Variants in SYTL4 observed in about 807,000 individuals in gnomAD.
SYTL4 encodes synaptotagmin-like protein 4.
A neutral mutation model predicts 52.7 loss-of-function variants in SYTL4; 16 were observed. The observed-to-expected ratio is 0.30, with a 90% CI of 0.21 to 0.46. The LOEUF (loss-of-function observed/expected upper bound fraction) is 0.46, where lower values mean the gene tolerates loss of function less well. Among genes scored for constraint, SYTL4 ranks in the 20% least tolerant of loss-of-function variants. SYTL4 has a pLI of 1.00. For synonymous variants in SYTL4, 160 were observed against 186.6 expected (o/e 0.86, Z 1.16); for missense variants, 423 against 519.9 (o/e 0.81, Z 1.81).
chrX:100,703,372 A>T lies in SYTL4; in HGVS notation c.-163-187T>A, dbSNP rs778495698. On this transcript the variant is annotated intron_variant, in intron 3 of 19. Transcript: ENST00000372989. The stretch of plus-strand genomic sequence containing the variant: ...CAAAGCAAGATCCTGTCTGGAAAAA[A>T]TTTTTTTTAATTTTAAAATTTACTG... 4.5e-4 allele frequency among the ~76,000 whole-genome samples: 50 copies of T among 111,408 alleles called. 1 individual carries two copies. Among genetic ancestry groups the T allele is most frequent in the Non-Finnish European group, 8.1e-4 (43 of 53,035 alleles).
At chrX:100,705,205 C>G (rs1173307034) in intron 2 of SYTL4, among the ~76,000 whole-genome samples, 1 of 112,044 alleles carries the variant, frequency 8.9e-6, no homozygotes, top group Admixed American at 9.5e-5. Flanking sequence ...CCAACAGTAT[C>G]TTTTATTGAG....
intron 2 of SYTL4, among the ~76,000 whole-genome samples, chrX:100,716,004 C>T (rs2084198692): frequency 9.6e-6 from 1 of 103,809 alleles, no homozygotes; most frequent in Admixed American, 1.1e-4. Flanking sequence ...AAGGCAATGA[C>T]AGCATCTAAA....
Position 100,690,123 on chromosome X carries a change from C to G in SYTL4, c.760G>C (p.Gly254Arg). Residue 254 changes from glycine (G) to arginine (R), a missense_variant, in exon 11 of 20, where the codon GGT (glycine) becomes CGT (arginine). Gly to Arg is a moderately radical substitution (Grantham distance 125). Transcript: ENST00000372989. ...GTGTTCTTCTTAAATATCATCTCAC[C>G]CTCATCCACAAATACCACATTTTGA... is the stretch of plus-strand genomic sequence containing the variant. ...GGQNVVFVDE[G>R]EMIFKKNTRK... The G allele has an allele frequency of 8.3e-7, 1 of 1,210,935 alleles. No homozygotes were observed. The highest frequency in any genetic ancestry group is 1.1e-6 in the Non-Finnish European group (1 of 895,051).
chrX:100,701,354 C>G, intron 6 of SYTL4, 25 bp from the exon 7 acceptor site: 1 of 1,180,958 alleles, frequency 8.5e-7, no homozygotes, highest in Non-Finnish European at 1.2e-6. Context: ...AAGAAAATGA[C>G]AGATGGATAA....
At chrX:100,709,147 T>C (rs1235672878) in intron 2 of SYTL4, among the ~76,000 whole-genome samples, 1 of 111,200 alleles carries the variant, frequency 9.0e-6, no homozygotes, top group East Asian at 2.8e-4. Flanking sequence ...GTAATAGAGC[T>C]GAGAGAAAAA....
At chrX:100,729,196 A>T (rs967142105) in intron 2 of SYTL4, among the ~76,000 whole-genome samples, 3 of 111,390 alleles carry the variant, frequency 2.7e-5, no homozygotes, top group African/African-American at 9.8e-5. Context: ...GCTTAGTTTC[A>T]GGTCCAGGAG....
chrX:100,699,809 T>A (rs749721761), intron 8 of SYTL4, among the ~76,000 whole-genome samples: 7 of 109,925 alleles, frequency 6.4e-5, no homozygotes, highest in African/African-American at 2.3e-4. Context: ...TTACTCTTAA[T>A]AACCAAAAAG....
Position 100,681,313 on chromosome X carries a change from C to G in SYTL4, c.1472G>C (p.Gly491Ala), listed in dbSNP as rs562068812. Residue 491 changes from glycine to alanine, a missense_variant, in exon 17 of 20, where the codon GGC becomes GCC. Physicochemically the swap from Gly to Ala is moderately conservative, Grantham distance 60. Coordinates refer to ENST00000372989, the MANE Select transcript of SYTL4 (RefSeq NM_001370165.1). ...HGKISAESPTGLPSHKGELVV... is the reference protein window; with the variant it reads ...HGKISAESPTALPSHKGELVV... ...CAACTCGCCTTTGTGTGATGGCAAG[C>G]CAGTCGGGGACTCAGCACTGATCTG... 18 of 1,208,068 alleles carry G rather than the reference C, an allele frequency of 1.5e-5. No homozygotes were observed. Among genetic ancestry groups the G allele is most frequent in the African/African-American group, 1.2e-4 (7 of 57,023 alleles).
chrX:100,711,052 G>C (rs61145659), intron 2 of SYTL4, among the ~76,000 whole-genome samples: 18,189 of 111,235 alleles, frequency 0.16, 2,945 homozygotes, highest in African/African-American at 0.5. Flanking sequence ...ATTGGAAAAC[G>C]TCATGATTCA....
At chrX:100,693,487 C>T (rs1005701082) in intron 8 of SYTL4, among the ~76,000 whole-genome samples, 2 of 112,330 alleles carry the variant, frequency 1.8e-5, no homozygotes, top group Admixed American at 9.4e-5. Flanking sequence ...TATACCTAGA[C>T]TCTGATACGT....
At position 100,691,116 on chromosome X, in the gene SYTL4, G is replaced by A. The variant is rs765997277; in HGVS notation, c.633C>T (p.Ser211=). 8.3e-7 allele frequency: 1 copy of A among 1,200,645 alleles called. No homozygotes were observed. The highest frequency in any genetic ancestry group is 1.1e-6 in the Non-Finnish European group (1 of 887,578). ...AATGGGGGGAACCCCACCTGGAGGT[G>A]CTATCCGAGTCAGCTGTGAAGCTAT... is the stretch of plus-strand genomic sequence containing the variant. ...SLDSFTADSD[S]TSRRDSLDKS... The change falls in exon 9 of 20, where the codon AGC becomes AGT. Residue 211 remains serine, a synonymous_variant. Coordinates refer to ENST00000372989, the MANE Select transcript of SYTL4 (RefSeq NM_001370165.1).
intron 2 of SYTL4, among the ~76,000 whole-genome samples, chrX:100,717,928 C>A (rs374863122): frequency 2.3e-4 from 26 of 112,149 alleles, no homozygotes; most frequent in Admixed American, 1.7e-3. Context: ...CTTAAAAGCA[C>A]TGGATCTGAG....
chrX:100,726,167 A>T (rs1168840942), intron 2 of SYTL4, among the ~76,000 whole-genome samples: 1 of 108,602 alleles, frequency 9.2e-6, no homozygotes, highest in Non-Finnish European at 1.9e-5. Context: ...GTGCTGCCAG[A>T]CAGAATGGAT....
At chrX:100,684,653 G>A (rs1217563687) in intron 16 of SYTL4, 1 of 109,212 alleles carries the variant, frequency 9.2e-6, no homozygotes, top group Non-Finnish European at 1.9e-5. Context: ...ATAAATACAT[G>A]GATGCATATC....
rs1461901143 is a variant in SYTL4 at position 100,689,875 on chromosome X, G to C, written c.893C>G (p.Pro298Arg). The change falls in exon 12 of 20, where the codon CCA becomes CGA. Residue 298 changes from proline to arginine, a missense_variant. Physicochemically the swap from Pro to Arg is moderately radical, Grantham distance 103 (BLOSUM62 -2). Transcript: ENST00000372989. ...ACCTACCATATCCACATTGAGGCCT[G>C]GGACGGATTTGCTTCTGTCTCCCAA... ...GSLGDRSKSV[P>R]GLNVDMEEEE... is the part of the protein sequence containing the mutation. The C allele has an allele frequency of 2.5e-6, 3 of 1,204,690 alleles. No homozygotes were observed.
chrX:100,715,286 G>A (rs1366152568), intron 2 of SYTL4, among the ~76,000 whole-genome samples: 2 of 111,864 alleles, frequency 1.8e-5, no homozygotes, highest in Non-Finnish European at 3.8e-5. Context: ...GCCTCCCAAA[G>A]GGCTGGGATT....
At chrX:100,720,876 A>G (rs1028021803) in intron 2 of SYTL4, among the ~76,000 whole-genome samples, 3 of 112,173 alleles carry the variant, frequency 2.7e-5, no homozygotes, top group Non-Finnish European at 3.8e-5. Context: ...AAATATATAC[A>G]TGACCATATG....
At chrX:100,731,059 G>T (rs987619998) in intron 2 of SYTL4, among the ~76,000 whole-genome samples, 1 of 111,512 alleles carries the variant, frequency 9.0e-6, no homozygotes, top group Non-Finnish European at 1.9e-5. Context: ...GGAATTTTAC[G>T]TCCTCTAATC....
intron 2 of SYTL4, among the ~76,000 whole-genome samples, chrX:100,718,071 G>A (rs943570999): frequency 8.9e-5 from 10 of 112,058 alleles, no homozygotes; most frequent in African/African-American, 3.2e-4. Context: ...ATGGCTTTGA[G>A]GATTCAAGCA....
Sources: gnomAD v4.1 joint callset for allele counts (sites outside exome capture counted in the v4.1 genomes callset) on GRCh38, gnomAD v4.1.1 for gene constraint, MANE v1.5 for transcripts, NCBI Gene and HGNC (gene_info 2026-07-23, HGNC 2026-07-21) for gene names.